Variants in ELK4 observed in about 807,000 individuals in gnomAD.
ELK4 encodes ETS domain-containing protein Elk-4.
Under a neutral mutation model 29.6 loss-of-function variants are expected in ELK4, and 16 were observed. That is an observed-to-expected ratio of 0.54 (90% CI 0.37 to 0.82). The LOEUF (loss-of-function observed/expected upper bound fraction) is 0.82, where lower values mean the gene tolerates loss of function less well. Ranked by LOEUF, ELK4 falls within the 40% of genes least tolerant of loss-of-function variation. The probability of loss-of-function intolerance (pLI) is 0.00; values close to 1 mark genes in which losing one functional copy is unlikely to be tolerated. For synonymous variants in ELK4, 213 were observed against 191.1 expected (o/e 1.11, Z -0.95); for missense variants, 465 against 507.1 (o/e 0.92, Z 0.80).
Position 205,616,280 on chromosome 1 carries a change from A to G in ELK4, c.*266T>C. 2 of 347,340 alleles carry G rather than the reference A, an allele frequency of 5.8e-6. No individual in the cohort carries two copies. Among genetic ancestry groups the G allele is most frequent in the Non-Finnish European group, 1.1e-5 (2 of 186,398 alleles). The allele number at this position is 347,340 out of a possible 1,614,324, so 21.5% of individuals were successfully genotyped here. Reference sequence around the variant, plus strand: ...AAGCTCAAAATATTTTTAAAGGAGAAAAGAAAAGGAAGGAAGGAAAGAAAA... The same window carrying G: ...AAGCTCAAAATATTTTTAAAGGAGAGAAGAAAAGGAAGGAAGGAAAGAAAA... On this transcript the variant is annotated 3_prime_UTR_variant, in exon 5 of 5. Coordinates refer to ENST00000357992, the MANE Select transcript of ELK4 (RefSeq NM_001973.4).
At chr1:205,619,346 G>A in intron 3 of ELK4, 6 of 1,068,912 alleles carry the variant, frequency 5.6e-6, no homozygotes, top group Non-Finnish European at 6.8e-6. Context: ...GTTCTTTGGT[G>A]GTAAATTCTG....
Position 205,616,233 on chromosome 1 carries a change from C to T in ELK4, c.*313G>A. On this transcript the variant is annotated 3_prime_UTR_variant, in exon 5 of 5. Coordinates refer to ENST00000357992, the MANE Select transcript of ELK4 (RefSeq NM_001973.4). ...TTTGCAAAGCACAGTCACTAAAGCC[C>T]ACCAAAAACTTCTTCAGCACAAAGC... The T allele has an allele frequency of 3.4e-6, 1 of 291,056 alleles. No homozygotes were observed. The highest frequency in any genetic ancestry group is 6.6e-6 in the Non-Finnish European group (1 of 152,060). 18.0% of individuals were successfully genotyped at this position (291,056 alleles called of 1,614,324 possible).
intron 1 of ELK4, among the ~76,000 whole-genome samples, chr1:205,624,302 G>A (rs1183416134): frequency 1.3e-5 from 2 of 152,188 alleles, no homozygotes; most frequent in Non-Finnish European, 2.9e-5. Context: ...AAATCTCATT[G>A]CTGTATTCTC....
Position 205,609,979 on chromosome 1 carries a change from T to C in ELK4, c.*6567A>G. On this transcript the variant is annotated 3_prime_UTR_variant, in exon 5 of 5. Coordinates refer to ENST00000357992, the MANE Select transcript of ELK4 (RefSeq NM_001973.4). Reference sequence around the variant, plus strand: ...TTCTCTGACCCTCAATATCCTTAAGTTGAAATTAAACAAACAAAATAATCA... The same window carrying C: ...TTCTCTGACCCTCAATATCCTTAAGCTGAAATTAAACAAACAAAATAATCA... The C allele has an allele frequency of 4.3e-6, 1 of 230,168 alleles. No homozygotes were observed. The highest frequency in any genetic ancestry group is 8.6e-6 in the Non-Finnish European group (1 of 116,106). The allele number at this position is 230,168 out of a possible 1,614,324, so 14.3% of individuals were successfully genotyped here. A position where few individuals can be genotyped will look rare whatever the true frequency, so the allele number is the denominator to read the frequency against.
In ELK4 at chr1:205,609,767, AATT is replaced by A. The variant is rs1326152097; in HGVS notation, c.*6776_*6778del. 9 of 210,234 alleles carry A rather than the reference AATT, an allele frequency of 4.3e-5. No individual in the cohort carries two copies. In the South Asian group the frequency reaches 1.7e-3, roughly 39 times the overall value. 13.0% of individuals were successfully genotyped at this position (210,234 alleles called of 1,614,324 possible). On this transcript the variant is annotated 3_prime_UTR_variant, in exon 5 of 5. Transcript: ENST00000357992. Reference sequence around the variant, plus strand: ...ATTTAAGTGTAATCTATCAATTGCAAATTATTTTTAAAAATCGTAAATTTCTAC... The same window carrying A: ...ATTTAAGTGTAATCTATCAATTGCAAATTTTTAAAAATCGTAAATTTCTAC...
chr1:205,628,818 G>A (rs952075920), intron 1 of ELK4, among the ~76,000 whole-genome samples: 7 of 151,948 alleles, frequency 4.6e-5, no homozygotes, highest in African/African-American at 1.7e-4. Flanking sequence ...TGTGGAAAAT[G>A]CTGATGCTTA....
Position 205,612,572 on chromosome 1 carries a change from C to A in ELK4, c.*3974G>T, listed in dbSNP as rs1351392719. 1 of 213,106 alleles carries A rather than the reference C, an allele frequency of 4.7e-6. No homozygotes were observed. The highest frequency in any genetic ancestry group is 2.3e-5 in the African/African-American group (1 of 44,186). 13.2% of individuals were successfully genotyped at this position (213,106 alleles called of 1,614,324 possible). ...GTGTGTTCAAAAAGGCTGGACACTC[C>A]TTTTCTGAACCACTGCTTCAGAGGT... On this transcript the variant is annotated 3_prime_UTR_variant, in exon 5 of 5. Transcript: ENST00000357992.
chr1:205,629,562 C>G (rs1670536453), intron 1 of ELK4, among the ~76,000 whole-genome samples: 1 of 151,820 alleles, frequency 6.6e-6, no homozygotes, highest in Non-Finnish European at 1.5e-5. Flanking sequence ...ATTAAAAATA[C>G]AAAAATTACC....
Position 205,620,584 on chromosome 1 carries a change from A to G in ELK4, c.462T>C (p.Ser154=), listed in dbSNP as rs1309650389. 2.5e-6 allele frequency: 4 copies of G among 1,614,196 alleles called. No homozygotes were observed. The South Asian group carries it at 4.4e-5, about 18-fold the overall frequency. ...SGLYSSFTLN[S]LNSSNVKLFK... ...AAAGCTTTACATTGGAGGAGTTCAAAGAGTTGAGAGTAAATGAAGAATATA... is the reference window on the plus strand; with the variant it reads ...AAAGCTTTACATTGGAGGAGTTCAAGGAGTTGAGAGTAAATGAAGAATATA... The change falls in exon 3 of 5, where the codon TCT becomes TCC. Residue 154 remains serine (S), a synonymous_variant. Coordinates refer to ENST00000357992, the MANE Select transcript of ELK4 (RefSeq NM_001973.4).
intron 1 of ELK4, among the ~76,000 whole-genome samples, chr1:205,630,416 T>C (rs968767964): frequency 6.6e-6 from 1 of 152,224 alleles, no homozygotes; most frequent in Non-Finnish European, 1.5e-5. Flanking sequence ...GTTGCTGTGG[T>C]GACCCATAGC....
intron 1 of ELK4, 119 bp from the exon 2 acceptor site, chr1:205,624,010 G>A: frequency 1.1e-6 from 1 of 899,966 alleles, no homozygotes; most frequent in Non-Finnish European, 1.7e-6. Flanking sequence ...ATTTCTATAA[G>A]GTAGATACTA....
At position 205,609,578 on chromosome 1, in the gene ELK4, C is replaced by A. The variant is rs541967440; in HGVS notation, c.*6968G>T. 6.0e-5 allele frequency: 12 copies of A among 198,484 alleles called. No individual in the cohort carries two copies. In the South Asian group the frequency reaches 2.3e-3, roughly 38 times the overall value. The allele number at this position is 198,484 out of a possible 1,614,324, so 12.3% of individuals were successfully genotyped here. ...GAAGTTCATAAAAATGCTACTCTAC[C>A]ACTTAAACAATAAATGTAAGCAATG... On this transcript the variant is annotated 3_prime_UTR_variant, in exon 5 of 5. Transcript: ENST00000357992.
rs1558018527 is a variant in ELK4, at chr1:205,612,926, T to C, written c.*3620A>G. The stretch of plus-strand genomic sequence containing the variant: ...GAGGCTCATAGGTTTACTGTCCCTA[T>C]CAAAATTTCAACTGTCAAAATGTGG... On this transcript the variant is annotated 3_prime_UTR_variant, in exon 5 of 5. Coordinates refer to ENST00000357992, the MANE Select transcript of ELK4 (RefSeq NM_001973.4). 2 of 204,934 alleles carry C rather than the reference T, an allele frequency of 9.8e-6. No individual in the cohort carries two copies. Among genetic ancestry groups the C allele is most frequent in the Non-Finnish European group, 2.0e-5 (2 of 100,360 alleles). The allele number at this position is 204,934 out of a possible 1,614,324, so 12.7% of individuals were successfully genotyped here. A position where few individuals can be genotyped will look rare whatever the true frequency, so the allele number is the denominator to read the frequency against.
At position 205,619,951 on chromosome 1, in the gene ELK4, G is replaced by C. The variant is rs1484407858; in HGVS notation, c.1080+15C>G. On this transcript the variant is annotated intron_variant, in intron 3 of 4. Coordinates refer to ENST00000357992, the MANE Select transcript of ELK4 (RefSeq NM_001973.4). Reference sequence around the variant, plus strand: ...ATGAAAGCAATGGTGACACCATAAAGAGCGAGCAAGCTACCTGTGAAAAAA... The same window carrying C: ...ATGAAAGCAATGGTGACACCATAAACAGCGAGCAAGCTACCTGTGAAAAAA... The C allele has an allele frequency of 6.2e-7, 1 of 1,614,224 alleles. No individual in the cohort carries two copies. Among genetic ancestry groups the C allele is most frequent in the South Asian group, 1.1e-5 (1 of 91,084 alleles).
At chr1:205,623,961 A>C in intron 1 of ELK4, 70 bp from the exon 2 acceptor site, 2 of 1,409,504 alleles carry the variant, frequency 1.4e-6, no homozygotes, top group Non-Finnish European at 1.0e-6. Context: ...TATGTCATGC[A>C]CTGTTTTAAG....
In ELK4 at chr1:205,620,719, G is replaced by A. The variant is rs1343105111; in HGVS notation, c.327C>T (p.Asn109=). Residue 109 remains asparagine (N), a synonymous_variant, in exon 3 of 5, where the codon AAC becomes AAT. Transcript: ENST00000357992. The part of the protein sequence containing the change: ...GRIEGDCESL[N]FSEVSSSSKD... The stretch of plus-strand genomic sequence containing the variant: ...TGGAACTGCTGCTGACTTCACTGAA[G>A]TTTAAACTTTCACAGTCACCCTCAA... 1.2e-6 allele frequency: 2 copies of A among 1,614,074 alleles called. No individual in the cohort carries two copies. The highest frequency in any genetic ancestry group is 4.5e-5 in the East Asian group (2 of 44,880).
chr1:205,608,510 C>T lies in ELK4; in HGVS notation c.*8036G>A, dbSNP rs1670105758. The T allele has an allele frequency of 1.0e-5, 2 of 191,104 alleles. No homozygotes were observed. The highest frequency in any genetic ancestry group is 1.1e-5 in the Non-Finnish European group (1 of 91,874). 11.8% of individuals were successfully genotyped at this position (191,104 alleles called of 1,614,324 possible). ...AGCTTCCCTCCAGCTGTTTCATCAA[C>T]TAACATGAAGTTTAATAAATGTTAG... On this transcript the variant is annotated 3_prime_UTR_variant, in exon 5 of 5. Transcript: ENST00000357992.
chr1:205,626,915 G>A (rs374807251), intron 1 of ELK4, among the ~76,000 whole-genome samples: 1 of 152,176 alleles, frequency 6.6e-6, no homozygotes. Flanking sequence ...TCCGTCAACT[G>A]ATGAATGGAT....
rs1038150635 is a variant in ELK4, at chr1:205,616,244, T to A, written c.*302A>T. On this transcript the variant is annotated 3_prime_UTR_variant, in exon 5 of 5. Transcript: ENST00000357992. ...CAGTCACTAAAGCCCACCAAAAACTTCTTCAGCACAAAGCTCAAAATATTT... is the reference window on the plus strand; with the variant it reads ...CAGTCACTAAAGCCCACCAAAAACTACTTCAGCACAAAGCTCAAAATATTT... The A allele has an allele frequency of 1.7e-5, 5 of 295,498 alleles. No homozygotes were observed. The highest frequency in any genetic ancestry group is 1.0e-4 in the African/African-American group (5 of 47,966). 18.3% of individuals were successfully genotyped at this position (295,498 alleles called of 1,614,324 possible).
Sources: allele counts gnomAD v4.1 joint callset (sites outside exome capture counted in the v4.1 genomes callset), GRCh38; gene constraint gnomAD v4.1.1; transcripts MANE v1.5; gene names NCBI Gene and HGNC (gene_info 2026-07-23, HGNC 2026-07-21).